FBXL7: variants seen among roughly 807,000 people sequenced by gnomAD.
The protein encoded by FBXL7 is F-box and leucine rich repeat protein 7.
A neutral mutation model predicts 38.3 loss-of-function variants in FBXL7; 12 were observed. That is an observed-to-expected ratio of 0.31 (90% confidence interval 0.20 to 0.51). FBXL7 has a LOEUF of 0.51. Among genes scored for constraint, FBXL7 ranks in the 20% least tolerant of loss-of-function variants. The pLI is 0.98. For synonymous variants in FBXL7, 297 were observed against 300.9 expected, an observed-to-expected ratio of 0.99 and a Z score of 0.13; for missense variants, 567 against 676.4, an observed-to-expected ratio of 0.84 and a Z score of 1.79.
At chr5:15,743,744 G>T (rs1735948112) in intron 2 of FBXL7, among the ~76,000 whole-genome samples, 1 of 152,258 alleles carries the variant, frequency 6.6e-6, no homozygotes, top group African/African-American at 2.4e-5. Flanking sequence ...GGTTTTCCGT[G>T]AGGGACCCAC....
intron 2 of FBXL7, among the ~76,000 whole-genome samples, chr5:15,739,375 C>T (rs2126672968): frequency 6.6e-6 from 1 of 152,326 alleles, no homozygotes; most frequent in South Asian, 2.1e-4. Flanking sequence ...TATTTTCCTA[C>T]AACAGCCTTA....
chr5:15,706,759 A>T (rs111928044), intron 2 of FBXL7, among the ~76,000 whole-genome samples: 161 of 152,272 alleles, frequency 1.1e-3, no homozygotes, highest in African/African-American at 3.7e-3. Flanking sequence ...TAAGTGTCTG[A>T]TTTAAATAAT....
intron 1 of FBXL7, among the ~76,000 whole-genome samples, chr5:15,549,296 G>A (rs1737998814): frequency 6.6e-6 from 1 of 152,158 alleles, no homozygotes; most frequent in Non-Finnish European, 1.5e-5. Flanking sequence ...CGTACAGTTG[G>A]CCTCTTTGGA....
rs181701019 is a variant in FBXL7, at chr5:15,775,297, T to C, written c.128-152593T>C. Among the ~76,000 whole-genome samples the C allele has an allele frequency of 1.5e-3, 231 of 152,286 alleles. 1 individual carries two copies. Among genetic ancestry groups the C allele is most frequent in the African/African-American group, 5.0e-3 (209 of 41,568 alleles). ...CTGGAAAATACTACCTAATGTAATTTATTACTGTATTTTTATGTCATACAT... is the reference window on the plus strand; with the variant it reads ...CTGGAAAATACTACCTAATGTAATTCATTACTGTATTTTTATGTCATACAT... On this transcript the variant is annotated intron_variant, in intron 2 of 3. Coordinates refer to ENST00000504595, the MANE Select transcript of FBXL7 (RefSeq NM_012304.5).
At chr5:15,929,776 A>G (rs1041178217) in intron 3 of FBXL7, among the ~76,000 whole-genome samples, 7 of 152,086 alleles carry the variant, frequency 4.6e-5, no homozygotes, top group African/African-American at 1.7e-4. Context: ...TCCTTATCTC[A>G]TTTGCTGCCT....
intron 1 of FBXL7, chr5:15,501,588 GC>G (rs1452440855): frequency 5.1e-6 from 5 of 985,492 alleles, no homozygotes; most frequent in Non-Finnish European, 6.0e-6. Flanking sequence ...TTTACAGCCC[GC>G]CCCCAGAGGA....
chr5:15,748,115 A>G (rs1043867197), intron 2 of FBXL7, among the ~76,000 whole-genome samples: 3 of 100,478 alleles, frequency 3.0e-5, no homozygotes, highest in African/African-American at 9.0e-5. Flanking sequence ...AACACCTGGA[A>G]AAGTCTAGAG....
intron 1 of FBXL7, among the ~76,000 whole-genome samples, chr5:15,568,616 G>A (rs1415889022): frequency 6.6e-6 from 1 of 151,390 alleles, no homozygotes; most frequent in African/African-American, 2.4e-5. Flanking sequence ...TGTCAATTTT[G>A]GCTTTTGTTG....
rs550857831 is a variant in FBXL7 at position 15,668,715 on chromosome 5, G to A, written c.127+52643G>A. Among the ~76,000 whole-genome samples, 4 of 152,236 alleles carry A rather than the reference G, an allele frequency of 2.6e-5. No individual in the cohort carries two copies. In the South Asian group the frequency reaches 8.3e-4, roughly 32 times the overall value. On this transcript the variant is annotated intron_variant, in intron 2 of 3. Transcript: ENST00000504595. ...CTGCTAACCTCCAGGCTTTTTATAT[G>A]AGGAAAAGTAAAACTCATCAAGTTT...
In FBXL7 at chr5:15,750,145, A is replaced by G. The variant is rs190497223; in HGVS notation, c.127+134073A>G. Among the ~76,000 whole-genome samples, 15 of 152,350 alleles carry G rather than the reference A, an allele frequency of 9.8e-5. 1 individual carries two copies. The highest frequency in any genetic ancestry group is 3.4e-4 in the African/African-American group (14 of 41,580). On this transcript the variant is annotated intron_variant, in intron 2 of 3. Coordinates refer to ENST00000504595, the MANE Select transcript of FBXL7 (RefSeq NM_012304.5). Reference sequence around the variant, plus strand: ...TAGGTGCTTGAGTATACCAAGGAATAAAATAAGTAAAGATCCCTTCCCTCA... The same window carrying G: ...TAGGTGCTTGAGTATACCAAGGAATGAAATAAGTAAAGATCCCTTCCCTCA...
At chr5:15,516,622 C>T (rs1281960150) in intron 1 of FBXL7, among the ~76,000 whole-genome samples, 2 of 152,006 alleles carry the variant, frequency 1.3e-5, no homozygotes, top group Non-Finnish European at 2.9e-5. Flanking sequence ...ATAATTCTCC[C>T]ACATGTCGTG....
At chr5:15,829,036 A>G (rs1443446017) in intron 2 of FBXL7, among the ~76,000 whole-genome samples, 1 of 152,226 alleles carries the variant, frequency 6.6e-6, no homozygotes, top group East Asian at 1.9e-4. Context: ...CTTAATTTGA[A>G]TGGTGAAAGA....
chr5:15,648,694 AAGCTCTTTT>A (rs1202434030), intron 2 of FBXL7, among the ~76,000 whole-genome samples: 2 of 152,134 alleles, frequency 1.3e-5, no homozygotes, highest in African/African-American at 2.4e-5. Flanking sequence ...TTTTTCATTC[AAGCTCTTTT>A]AGCCACAGTA....
intron 1 of FBXL7, among the ~76,000 whole-genome samples, chr5:15,554,110 C>T (rs1460887851): frequency 1.3e-5 from 2 of 152,160 alleles, no homozygotes. Context: ...GGTGTCCATC[C>T]CAGACCCACT....
intron 2 of FBXL7, among the ~76,000 whole-genome samples, chr5:15,645,371 C>T (rs1741497545): frequency 6.6e-6 from 1 of 152,122 alleles, no homozygotes; most frequent in African/African-American, 2.4e-5. Flanking sequence ...AAAGGCTAAT[C>T]AGAAACTCAA....
At chr5:15,748,474 A>G (rs80031734) in intron 2 of FBXL7, among the ~76,000 whole-genome samples, 8,403 of 152,268 alleles carry the variant, frequency 0.055, 246 homozygotes, top group East Asian at 0.084. Flanking sequence ...CTGGTAGTGA[A>G]TAAGTCTTAC....
rs1291414803 is a variant in FBXL7 at position 15,620,403 on chromosome 5, TTTGTTTTTTG to T, written c.127+4334_127+4343del. Among the ~76,000 whole-genome samples the T allele has an allele frequency of 3.2e-4, 43 of 136,456 alleles. No homozygotes were observed. The East Asian group carries it at 4.6e-3, about 14-fold the overall frequency. 89.5% of individuals were successfully genotyped at this position (136,456 alleles called of 152,430 possible). Reference sequence around the variant, plus strand: ...ACATGCCACCACGCCCAGCTAATTTTTTGTTTTTTGTTTTTTTTTTTTTTTAAGTAGAAAC... The same window carrying T: ...ACATGCCACCACGCCCAGCTAATTTTTTTTTTTTTTTTTTTAAGTAGAAAC... On this transcript the variant is annotated intron_variant, in intron 2 of 3. Transcript: ENST00000504595.
intron 1 of FBXL7, among the ~76,000 whole-genome samples, chr5:15,553,133 A>T (rs1290874181): frequency 6.6e-6 from 1 of 151,916 alleles, no homozygotes; most frequent in Non-Finnish European, 1.5e-5. Context: ...CAAAAAACAA[A>T]ATAATCAAGC....
intron 2 of FBXL7, among the ~76,000 whole-genome samples, chr5:15,916,877 T>G (rs767150526): frequency 2.0e-4 from 31 of 152,210 alleles, no homozygotes; most frequent in African/African-American, 4.8e-5. Flanking sequence ...AATATGCCTC[T>G]AAAAACATTG....
Sources: allele counts gnomAD v4.1 joint callset (sites outside exome capture counted in the v4.1 genomes callset), GRCh38; gene constraint gnomAD v4.1.1; transcripts MANE v1.5; gene names NCBI Gene and HGNC (gene_info 2026-07-23, HGNC 2026-07-21).